Variants in PTPRG observed in about 807,000 individuals in gnomAD.
PTPRG encodes the protein protein tyrosine phosphatase receptor type G, also known as receptor-type tyrosine-protein phosphatase gamma.
In PTPRG, 102 loss-of-function variants were observed where a neutral mutation model predicts 165.3. The ratio of observed to expected loss-of-function variants is 0.62; its 90% CI spans 0.53 to 0.73. The LOEUF is 0.73. Among genes scored for constraint, PTPRG ranks in the 30% least tolerant of loss-of-function variants. The pLI is 0.00. For missense variants in PTPRG, 1,866 were observed against 1,861.4 expected, an observed-to-expected ratio of 1.00 and a Z score of -0.05; for synonymous variants, 675 against 669.5, an observed-to-expected ratio of 1.01 and a Z score of -0.13.
chr3:61,981,494 T>C (rs74791195), intron 2 of PTPRG, among the ~76,000 whole-genome samples: 19,649 of 152,224 alleles, frequency 0.13, 1,454 homozygotes, highest in Non-Finnish European at 0.17. Flanking sequence ...CATTTAGATA[T>C]TAGTATTTGG....
chr3:61,748,668 G>A (rs961930515), intron 1 of PTPRG, among the ~76,000 whole-genome samples: 6 of 151,794 alleles, frequency 4.0e-5, no homozygotes, highest in African/African-American at 1.5e-4. Flanking sequence ...ACAAAGTAAA[G>A]GTTCCTTGTC....
intron 2 of PTPRG, among the ~76,000 whole-genome samples, chr3:61,932,855 G>T (rs1477571806): frequency 6.6e-6 from 1 of 152,148 alleles, no homozygotes; most frequent in Non-Finnish European, 1.5e-5. Flanking sequence ...TGTTCTCCTT[G>T]TCTCAGTATT....
At chr3:62,281,483 T>G (rs1702435143) in intron 26 of PTPRG, 80 bp from the exon 27 acceptor site, 1 of 1,288,328 alleles carries the variant, frequency 7.8e-7, no homozygotes, top group Non-Finnish European at 1.0e-6. Flanking sequence ...GGATGGGAAA[T>G]GACAAAATCC....
At chr3:61,660,183 C>G (rs1347294332) in intron 1 of PTPRG, among the ~76,000 whole-genome samples, 2 of 152,152 alleles carry the variant, frequency 1.3e-5, no homozygotes, top group Admixed American at 1.3e-4. Context: ...TCAGATCATG[C>G]CACTGCACTC....
intron 7 of PTPRG, among the ~76,000 whole-genome samples, chr3:62,161,630 T>C (rs564665721): frequency 2.0e-5 from 3 of 152,226 alleles, no homozygotes; most frequent in Non-Finnish European, 4.4e-5. Context: ...GAGATGGCTT[T>C]CTTTGTTAAT....
chr3:62,094,723 T>A (rs2106807336), intron 5 of PTPRG, among the ~76,000 whole-genome samples: 1 of 152,338 alleles, frequency 6.6e-6, no homozygotes, highest in South Asian at 2.1e-4. Context: ...ATCCAGGGCC[T>A]ATGCTGAGAA....
At chr3:62,082,712 G>T (rs1439614242) in intron 5 of PTPRG, among the ~76,000 whole-genome samples, 1 of 152,230 alleles carries the variant, frequency 6.6e-6, no homozygotes, top group Non-Finnish European at 1.5e-5. Flanking sequence ...TTGAGGGTCA[G>T]TCTCAGTGCT....
At chr3:61,736,515 A>G (rs912478508) in intron 1 of PTPRG, among the ~76,000 whole-genome samples, 1 of 152,032 alleles carries the variant, frequency 6.6e-6, no homozygotes, top group Non-Finnish European at 1.5e-5. Flanking sequence ...ATTCAGATGA[A>G]GAAGGGTGAA....
At chr3:62,081,234 G>A (rs1407678020) in intron 5 of PTPRG, among the ~76,000 whole-genome samples, 1 of 149,330 alleles carries the variant, frequency 6.7e-6, no homozygotes, top group African/African-American at 2.5e-5. Context: ...ACCAGCCTGG[G>A]CGACAGAGTG....
At chr3:61,694,596 T>G (rs1168471686) in intron 1 of PTPRG, among the ~76,000 whole-genome samples, 1 of 152,170 alleles carries the variant, frequency 6.6e-6, no homozygotes, top group Non-Finnish European at 1.5e-5. Context: ...TCTACCAAGG[T>G]TTATGTACTA....
At chr3:61,585,824 T>A (rs1292180777) in intron 1 of PTPRG, among the ~76,000 whole-genome samples, 2 of 152,242 alleles carry the variant, frequency 1.3e-5, no homozygotes, top group Non-Finnish European at 2.9e-5. Flanking sequence ...TCTTAGGAGA[T>A]GAATGATGAA....
At chr3:62,093,980 T>A (rs1396821002) in intron 5 of PTPRG, among the ~76,000 whole-genome samples, 1 of 152,206 alleles carries the variant, frequency 6.6e-6, no homozygotes, top group Non-Finnish European at 1.5e-5. Context: ...CTCCTGCTTC[T>A]CCTATTACCA....
intron 2 of PTPRG, among the ~76,000 whole-genome samples, chr3:61,840,077 T>C (rs2036580536): frequency 2.0e-5 from 3 of 152,208 alleles, no homozygotes; most frequent in Non-Finnish European, 4.4e-5. Context: ...TATGCACATA[T>C]ATATTTAGAT....
At chr3:61,688,453 T>C (rs1464356092) in intron 1 of PTPRG, among the ~76,000 whole-genome samples, 1 of 152,040 alleles carries the variant, frequency 6.6e-6, no homozygotes, top group Non-Finnish European at 1.5e-5. Context: ...CGCCTCCATC[T>C]TTCCAGAGAC....
Position 61,732,704 on chromosome 3 carries a change from G to A in PTPRG, c.86-16174G>A, listed in dbSNP as rs529516907. Among the ~76,000 whole-genome samples the A allele has an allele frequency of 6.2e-3, 890 of 144,424 alleles. 7 individuals carry two copies. Among genetic ancestry groups the A allele is most frequent in the African/African-American group, 0.021 (827 of 38,932 alleles). 94.7% of individuals were successfully genotyped at this position (144,424 alleles called of 152,430 possible). A position where few individuals can be genotyped will look rare whatever the true frequency, so the allele number is the denominator to read the frequency against. On this transcript the variant is annotated intron_variant, in intron 1 of 29. Coordinates refer to ENST00000474889, the MANE Select transcript of PTPRG (RefSeq NM_002841.4). The stretch of plus-strand genomic sequence containing the variant: ...AGCGTGGGTGACAGAGCGAGACTCC[G>A]TCTCAAAATAAATAAATAAATAAAT...
chr3:61,912,536 C>G (rs1467000193), intron 2 of PTPRG, among the ~76,000 whole-genome samples: 4 of 152,118 alleles, frequency 2.6e-5, no homozygotes, highest in Admixed American at 2.0e-4. Context: ...GAAAAAAAAT[C>G]CTTTGGAATT....
chr3:62,005,001 T>G (rs78815137), intron 4 of PTPRG, among the ~76,000 whole-genome samples: 7,034 of 152,288 alleles, frequency 0.046, 354 homozygotes, highest in South Asian at 0.14. Flanking sequence ...GGAAGCTCTG[T>G]TGAAGAATCT....
At chr3:61,637,950 G>A (rs991174450) in intron 1 of PTPRG, among the ~76,000 whole-genome samples, 2 of 152,140 alleles carry the variant, frequency 1.3e-5, no homozygotes, top group African/African-American at 4.8e-5. Flanking sequence ...AGAGAACTGT[G>A]TGTAATCTTA....
At chr3:61,870,971 T>A (rs928103758) in intron 2 of PTPRG, among the ~76,000 whole-genome samples, 5 of 151,866 alleles carry the variant, frequency 3.3e-5, no homozygotes, top group Non-Finnish European at 1.5e-5. Flanking sequence ...GAATCAGGGG[T>A]TTCAGGAAAA....
Sources: allele counts gnomAD v4.1 joint callset (sites outside exome capture counted in the v4.1 genomes callset), GRCh38; gene constraint gnomAD v4.1.1; transcripts MANE v1.5; gene names NCBI Gene and HGNC (gene_info 2026-07-23, HGNC 2026-07-21).